Variants in BRIP1 observed in about 807,000 individuals in gnomAD.
BRIP1 encodes BRCA1 interacting DNA helicase 1.
In BRIP1, 88 loss-of-function variants were observed where a neutral mutation model predicts 119.7. The ratio of observed to expected loss-of-function variants is 0.74; its 90% CI spans 0.62 to 0.88. The LOEUF is 0.88. Among genes scored for constraint, BRIP1 ranks in the 40% least tolerant of loss-of-function variants. The pLI is 0.00. For missense variants in BRIP1, 1,259 were observed against 1,455.4 expected, an observed-to-expected ratio of 0.87 and a Z score of 2.20; for synonymous variants, 443 against 496.5, an observed-to-expected ratio of 0.89 and a Z score of 1.43.
intron 6 of BRIP1, among the ~76,000 whole-genome samples, chr17:61,830,121 AC>A (rs759746765): frequency 7.3e-5 from 11 of 151,330 alleles, no homozygotes; most frequent in Admixed American, 2.6e-4. Context: ...TATAATAGAG[AC>A]AGGGTTTTGC....
chr17:61,849,210 T>C lies in BRIP1; in HGVS notation c.426A>G (p.Lys142=), dbSNP rs768008017. The C allele has an allele frequency of 6.2e-7, 1 of 1,613,164 alleles. No homozygotes were observed. Among genetic ancestry groups the C allele is most frequent in the Admixed American group, 1.7e-5 (1 of 60,014 alleles). Residue 142 remains lysine, a synonymous_variant, in exon 5 of 20, where the codon AAA becomes AAG. Coordinates refer to ENST00000259008, the MANE Select transcript of BRIP1 (RefSeq NM_032043.3). ...TTTCATCTCTGTATATGGATGCCTG[T>C]TTCTTAGCAGATAACTTTGCAGCCA... ...TTLAAKLSAK[K]QASIYRDEND... is the part of the protein sequence containing the mutation.
intron 14 of BRIP1, among the ~76,000 whole-genome samples, chr17:61,750,321 T>G (rs1166990562): frequency 4.6e-5 from 7 of 152,068 alleles, no homozygotes; most frequent in African/African-American, 1.7e-4. Context: ...TCACCACATG[T>G]AAAAAGAATG....
At chr17:61,835,746 C>T (rs982210588) in intron 6 of BRIP1, among the ~76,000 whole-genome samples, 4 of 150,702 alleles carry the variant, frequency 2.7e-5, no homozygotes, top group African/African-American at 9.7e-5. Flanking sequence ...AATCCAAGTA[C>T]ATATAACAAT....
chr17:61,692,448 C>G lies in BRIP1; in HGVS notation c.2575+982G>C, dbSNP rs537902431. 3.3e-5 allele frequency among the ~76,000 whole-genome samples: 5 copies of G among 152,018 alleles called. 1 individual carries two copies. In the South Asian group the frequency reaches 1.0e-3, roughly 32 times the overall value. ...AATCCCCAAAATATATAAGAAACTC[C>G]TATATCTCAATAGAAAAAACAAACA... On this transcript the variant is annotated intron_variant, in intron 18 of 19. Coordinates refer to ENST00000259008, the MANE Select transcript of BRIP1 (RefSeq NM_032043.3).
rs377667593 is a variant in BRIP1, at chr17:61,793,570, G to A, written c.1473+27C>T. Reference sequence around the variant, plus strand: ...AAATCACTTCTAATTCACTAAATACGTTTCACAGGTAGAAAAAATATCTTA... The same window carrying A: ...AAATCACTTCTAATTCACTAAATACATTTCACAGGTAGAAAAAATATCTTA... On this transcript the variant is annotated intron_variant, in intron 10 of 19. Coordinates refer to ENST00000259008, the MANE Select transcript of BRIP1 (RefSeq NM_032043.3). This position sits in a 1 kb window ranked among gnomAD's most constrained non-coding sequence, Gnocchi z 5.2. The A allele has an allele frequency of 4.2e-5, 66 of 1,587,594 alleles. No homozygotes were observed. Among genetic ancestry groups the A allele is most frequent in the African/African-American group, 6.7e-5 (5 of 74,536 alleles).
In BRIP1 at chr17:61,827,092, T is replaced by TA. The variant is rs35892107; in HGVS notation, c.628-18336dup. 0.83 allele frequency among the ~76,000 whole-genome samples: 125,883 copies of TA among 151,850 alleles called. 52,377 individuals are homozygous for TA. The highest frequency in any genetic ancestry group is 0.94 in the East Asian group (4,844 of 5,172). ...TACACTGTGGAATACTATGTAGCCA[T>TA]AAAAAAAATGAGACTGTGTCCTTTA... On this transcript the variant is annotated intron_variant, in intron 6 of 19. Coordinates refer to ENST00000259008, the MANE Select transcript of BRIP1 (RefSeq NM_032043.3). The surrounding 1 kb of genome is among the most constrained non-coding windows in gnomAD (Gnocchi z 5.8).
chr17:61,790,819 C>T (rs2077805020), intron 10 of BRIP1, among the ~76,000 whole-genome samples: 2 of 151,634 alleles, frequency 1.3e-5, no homozygotes, highest in African/African-American at 2.4e-5. Flanking sequence ...TTGTAGACAA[C>T]AGGGTCTTTG....
At position 61,682,478 on chromosome 17, in the gene BRIP1, T is replaced by G. The variant is rs2061282987; in HGVS notation, c.*818A>C. The G allele has an allele frequency of 4.9e-6, 1 of 202,398 alleles. No individual in the cohort carries two copies. The highest frequency in any genetic ancestry group is 2.3e-5 in the African/African-American group (1 of 43,690). The allele number at this position is 202,398 out of a possible 1,614,324, so 12.5% of individuals were successfully genotyped here. A position where few individuals can be genotyped will look rare whatever the true frequency, so the allele number is the denominator to read the frequency against. ...ATGACATGTTTGGTTTTAGGTTTAT[T>G]ATACAAAGAATGTAAAACAATTTCA... is the stretch of plus-strand genomic sequence containing the variant. On this transcript the variant is annotated 3_prime_UTR_variant, in exon 20 of 20. Coordinates refer to ENST00000259008, the MANE Select transcript of BRIP1 (RefSeq NM_032043.3). The surrounding 1 kb of genome is among the most constrained non-coding windows in gnomAD (Gnocchi z 4.9).
At position 61,752,754 on chromosome 17, in the gene BRIP1, A is replaced by T. The variant is rs2077147989; in HGVS notation, c.2098-8163T>A. Among the ~76,000 whole-genome samples, 1 of 152,202 alleles carries T rather than the reference A, an allele frequency of 6.6e-6. No individual in the cohort carries two copies. Among genetic ancestry groups the T allele is most frequent in the South Asian group, 2.1e-4 (1 of 4,822 alleles). ...AACTTTATATGTGAGCTATGACTTT[A>T]TCTTTTTGAAAATTAACTGTAGAGA... On this transcript the variant is annotated intron_variant, in intron 14 of 19. Transcript: ENST00000259008. The surrounding 1 kb of genome is among the most constrained non-coding windows in gnomAD (Gnocchi z 6.2).
In BRIP1 at chr17:61,689,661, G is replaced by C. The variant is rs1419449949; in HGVS notation, c.2576-3496C>G. ...GTGTCAAAAGTCAAAGAAAACAATAGAAATTTGAAAACAGCAAGATAAAAG... is the reference window on the plus strand; with the variant it reads ...GTGTCAAAAGTCAAAGAAAACAATACAAATTTGAAAACAGCAAGATAAAAG... On this transcript the variant is annotated intron_variant, in intron 18 of 19. Transcript: ENST00000259008. The surrounding 1 kb of genome is among the most constrained non-coding windows in gnomAD (Gnocchi z 4.5). Among the ~76,000 whole-genome samples, 1 of 152,088 alleles carries C rather than the reference G, an allele frequency of 6.6e-6. No individual in the cohort carries two copies. The highest frequency in any genetic ancestry group is 1.5e-5 in the Non-Finnish European group (1 of 67,996).
intron 6 of BRIP1, among the ~76,000 whole-genome samples, chr17:61,840,202 T>TACAAAA (rs1427442642): frequency 6.6e-6 from 1 of 151,614 alleles, no homozygotes. Context: ...TTACTAAAAA[T>TACAAAA]ACAAAAATGA....
chr17:61,792,778 A>G (rs1321031441), intron 10 of BRIP1, among the ~76,000 whole-genome samples: 1 of 152,192 alleles, frequency 6.6e-6, no homozygotes, highest in Middle Eastern at 3.2e-3. Flanking sequence ...AACCTAATTG[A>G]ACTCTACAAC....
In BRIP1 at chr17:61,689,026, CTGTTA is replaced by C. The variant is rs142198967; in HGVS notation, c.2576-2866_2576-2862del. Among the ~76,000 whole-genome samples the C allele has an allele frequency of 9.6e-5, 14 of 145,704 alleles. No homozygotes were observed. Among genetic ancestry groups the C allele is most frequent in the South Asian group, 4.4e-4 (2 of 4,562 alleles). Reference sequence around the variant, plus strand: ...TACTTTATTTTATATATTTTATATTCTGTTATGTTATGTTATGTTATGTTATGTTA... The same window carrying C: ...TACTTTATTTTATATATTTTATATTCTGTTATGTTATGTTATGTTATGTTA... On this transcript the variant is annotated intron_variant, in intron 18 of 19. Transcript: ENST00000259008. This position sits in a 1 kb window ranked among gnomAD's most constrained non-coding sequence, Gnocchi z 4.5.
Position 61,752,658 on chromosome 17 carries a change from C to A in BRIP1, c.2098-8067G>T, listed in dbSNP as rs1295398805. ...ACAAGTACGTGAATCCTTAAATGCT[C>A]TCTGAATAGGCCAATCATCATACTT... On this transcript the variant is annotated intron_variant, in intron 14 of 19. Transcript: ENST00000259008. The surrounding 1 kb of genome is among the most constrained non-coding windows in gnomAD (Gnocchi z 6.2). Among the ~76,000 whole-genome samples the A allele has an allele frequency of 6.6e-6, 1 of 152,162 alleles. No individual in the cohort carries two copies. Among genetic ancestry groups the A allele is most frequent in the Non-Finnish European group, 1.5e-5 (1 of 68,020 alleles).
In BRIP1 at chr17:61,808,568, T is replaced by G. The variant is rs587781797; in HGVS notation, c.817A>C (p.Met273Leu). 1.9e-6 allele frequency: 3 copies of G among 1,613,748 alleles called. No individual in the cohort carries two copies. The highest frequency in any genetic ancestry group is 1.7e-6 in the Non-Finnish European group (2 of 1,179,648). Residue 273 changes from methionine to leucine, a missense_variant, in exon 7 of 20, where the codon ATG becomes CTG. Met to Leu is a conservative substitution (Grantham distance 15). Coordinates refer to ENST00000259008, the MANE Select transcript of BRIP1 (RefSeq NM_032043.3). This position sits in a 1 kb window ranked among gnomAD's most constrained non-coding sequence, Gnocchi z 4.1. ...TGATCCCTGCTGGAAAGAATAGTCA[T>G]TGGAACCCCTGAATATGCCGTCCTC... ...LRRTAYSGVP[M>L]TILSSRDHTC...
rs958351868 is a variant in BRIP1 at position 61,796,792 on chromosome 17, T to A, written c.1340+2308A>T. Among the ~76,000 whole-genome samples the A allele has an allele frequency of 1.3e-5, 2 of 152,070 alleles. No individual in the cohort carries two copies. Among genetic ancestry groups the A allele is most frequent in the African/African-American group, 2.4e-5 (1 of 41,426 alleles). ...GAGACCTGTTAGGAGGTTGTTATAA[T>A]ATCCTTGTTGAGAGAAGACTGTAGG... On this transcript the variant is annotated intron_variant, in intron 9 of 19. Coordinates refer to ENST00000259008, the MANE Select transcript of BRIP1 (RefSeq NM_032043.3). The surrounding 1 kb of genome is among the most constrained non-coding windows in gnomAD (Gnocchi z 4.8).
chr17:61,850,349 G>A (rs531824746), intron 4 of BRIP1, among the ~76,000 whole-genome samples: 18 of 151,644 alleles, frequency 1.2e-4, no homozygotes, highest in Non-Finnish European at 2.5e-4. Flanking sequence ...TGATCCACCC[G>A]CCTAGCCTCC....
At position 61,680,480 on chromosome 17, in the gene BRIP1, C is replaced by CTTTTTTTT. The variant is rs768910110; in HGVS notation, c.*2808_*2815dup. On this transcript the variant is annotated 3_prime_UTR_variant, in exon 20 of 20. Coordinates refer to ENST00000259008, the MANE Select transcript of BRIP1 (RefSeq NM_032043.3). ...AGTTTACCAATTCTAAAGGTAATTT[C>CTTTTTTTT]TTTTTTTTTTTTTTTTTGAGACGGA... Among the ~76,000 whole-genome samples the CTTTTTTTT allele has an allele frequency of 4.3e-4, 53 of 124,044 alleles. 2 individuals carry two copies. The highest frequency in any genetic ancestry group is 1.4e-3 in the African/African-American group (45 of 31,718). 81.4% of individuals were successfully genotyped at this position (124,044 alleles called of 152,430 possible). A position where few individuals can be genotyped will look rare whatever the true frequency, so the allele number is the denominator to read the frequency against.
In BRIP1 at chr17:61,725,741, C is replaced by T. The variant is rs951829042; in HGVS notation, c.2380-9678G>A. Among the ~76,000 whole-genome samples, 2 of 152,110 alleles carry T rather than the reference C, an allele frequency of 1.3e-5. No individual in the cohort carries two copies. The highest frequency in any genetic ancestry group is 1.3e-4 in the Admixed American group (2 of 15,276). On this transcript the variant is annotated intron_variant, in intron 16 of 19. Transcript: ENST00000259008. The surrounding 1 kb of genome is among the most constrained non-coding windows in gnomAD (Gnocchi z 5.3). Reference sequence around the variant, plus strand: ...GGTTCAAGCAATCATTCTGCTTCAGCCTCCTCAGTAGCTAGGACTTACAGA... The same window carrying T: ...GGTTCAAGCAATCATTCTGCTTCAGTCTCCTCAGTAGCTAGGACTTACAGA...
Sources: gnomAD v4.1 joint callset for allele counts (sites outside exome capture counted in the v4.1 genomes callset) on GRCh38, gnomAD v4.1.1 for gene constraint, Gnocchi (gnomAD v3.1) non-coding constraint, MANE v1.5 for transcripts, NCBI Gene and HGNC (gene_info 2026-07-23, HGNC 2026-07-21) for gene names.